The following ADAMTSL3 variants were observed in gnomAD, a reference collection of about 807,000 sequenced individuals.
ADAMTSL3 encodes ADAMTS-like protein 3.
ADAMTSL3 carries 128 observed loss-of-function variants against 201.7 expected under a neutral mutation model. The observed-to-expected ratio is 0.63, with a 90% CI of 0.55 to 0.73. The LOEUF (loss-of-function observed/expected upper bound fraction) is 0.73. ADAMTSL3 is among the 30% of genes least tolerant of loss of function. The pLI is 0.00. For missense variants in ADAMTSL3, 1,990 were observed against 2,119.6 expected (o/e 0.94, Z 1.20); for synonymous variants, 738 against 748.4 (o/e 0.99, Z 0.23).
intron 9 of ADAMTSL3, among the ~76,000 whole-genome samples, chr15:83,877,743 A>G (rs1480819): frequency 1.3e-5 from 2 of 152,130 alleles, no homozygotes; most frequent in Non-Finnish European, 2.9e-5. Flanking sequence ...TACATTTTTT[A>G]GTTCTTTTAA....
At chr15:83,801,675 T>TAA (rs2063525499) in intron 4 of ADAMTSL3, among the ~76,000 whole-genome samples, 1 of 59,902 alleles carries the variant, frequency 1.7e-5, no homozygotes. Context: ...TATATATATA[T>TAA]ATATATATAT....
chr15:83,770,089 C>T, intron 3 of ADAMTSL3, among the ~76,000 whole-genome samples: 1 of 152,196 alleles, frequency 6.6e-6, no homozygotes, highest in African/African-American at 2.4e-5. Context: ...ACGTTAAAGT[C>T]ACCCAAATCC....
intron 3 of ADAMTSL3, among the ~76,000 whole-genome samples, chr15:83,761,602 C>T (rs1156501140): frequency 6.6e-6 from 1 of 152,194 alleles, no homozygotes; most frequent in African/African-American, 2.4e-5. Flanking sequence ...CACCATTCCT[C>T]TCCATCAGAC....
At chr15:83,922,882 C>G (rs560263800) in intron 16 of ADAMTSL3, among the ~76,000 whole-genome samples, 2 of 152,182 alleles carry the variant, frequency 1.3e-5, no homozygotes, top group East Asian at 3.9e-4. Flanking sequence ...AAAATGAATG[C>G]ATTTGCATAT....
At chr15:83,876,017 G>C (rs2065171899) in intron 9 of ADAMTSL3, among the ~76,000 whole-genome samples, 1 of 150,952 alleles carries the variant, frequency 6.6e-6, no homozygotes, top group African/African-American at 2.5e-5. Flanking sequence ...TTTCTTTTCG[G>C]TGGTAATGGA....
intron 4 of ADAMTSL3, among the ~76,000 whole-genome samples, chr15:83,799,445 A>G (rs182453419): frequency 6.6e-6 from 1 of 152,292 alleles, no homozygotes. Flanking sequence ...AGAAGTGTGT[A>G]ACTTGATATT....
intron 20 of ADAMTSL3, among the ~76,000 whole-genome samples, chr15:83,976,037 C>T (rs2067280416): frequency 6.6e-6 from 1 of 152,102 alleles, no homozygotes; most frequent in African/African-American, 2.4e-5. Flanking sequence ...GGGATGAATT[C>T]TAATGATGTT....
At chr15:83,904,879 T>G (rs2065804933) in intron 15 of ADAMTSL3, among the ~76,000 whole-genome samples, 1 of 152,224 alleles carries the variant, frequency 6.6e-6, no homozygotes, top group African/African-American at 2.4e-5. Context: ...TTTGTGGAGA[T>G]TATATTTGCT....
rs7174631 is a variant in ADAMTSL3 at position 83,995,166 on chromosome 15, C to T, written c.3973+3952C>T. The stretch of plus-strand genomic sequence containing the variant: ...ATATGTGCTCTTGGGTCGGCGGAGA[C>T]AGATTGTGAAGGGACTAACAACCAG... On this transcript the variant is annotated intron_variant, in intron 23 of 29. Transcript: ENST00000286744. Among the ~76,000 whole-genome samples, 1,283 of 152,240 alleles carry T rather than the reference C, an allele frequency of 8.4e-3. 17 individuals carry two copies. The highest frequency in any genetic ancestry group is 0.029 in the African/African-American group (1,206 of 41,534).
At chr15:83,941,924 C>T (rs926050494) in intron 17 of ADAMTSL3, among the ~76,000 whole-genome samples, 14 of 152,330 alleles carry the variant, frequency 9.2e-5, no homozygotes, top group African/African-American at 3.4e-4. Context: ...AGAGACTTTT[C>T]TCAATGATAT....
chr15:84,014,456 C>A, intron 23 of ADAMTSL3, 86 bp from the exon 24 acceptor site: 1 of 1,287,088 alleles, frequency 7.8e-7, no homozygotes, highest in African/African-American at 1.5e-5. Context: ...GACTTACGGT[C>A]AAAACAGTGA....
intron 15 of ADAMTSL3, among the ~76,000 whole-genome samples, chr15:83,903,949 A>AGGGAGGG (rs1567226151): frequency 5.2e-5 from 2 of 38,576 alleles, no homozygotes; most frequent in African/African-American, 3.4e-4. Flanking sequence ...AAAAAAGAAA[A>AGGGAGGG]AAGAAAGAAA....
At chr15:83,771,167 C>CTT (rs10572931) in intron 3 of ADAMTSL3, among the ~76,000 whole-genome samples, 1 of 134,350 alleles carries the variant, frequency 7.4e-6, no homozygotes. Context: ...TTTCTGGACT[C>CTT]TTTTTTTTTT....
At chr15:83,793,412 A>T (rs1315348314) in intron 4 of ADAMTSL3, among the ~76,000 whole-genome samples, 1 of 152,164 alleles carries the variant, frequency 6.6e-6, no homozygotes, top group Non-Finnish European at 1.5e-5. Flanking sequence ...ATACTTGAAA[A>T]CATCACATAT....
intron 19 of ADAMTSL3, among the ~76,000 whole-genome samples, chr15:83,958,290 T>C (rs1354039915): frequency 6.6e-6 from 1 of 152,122 alleles, no homozygotes; most frequent in East Asian, 1.9e-4. Context: ...AGAGTGTGAT[T>C]GGATGCAAGA....
intron 3 of ADAMTSL3, among the ~76,000 whole-genome samples, chr15:83,740,999 T>C (rs936624851): frequency 2.6e-5 from 4 of 152,094 alleles, no homozygotes; most frequent in Admixed American, 1.3e-4. Flanking sequence ...TCTATGTGAA[T>C]TGTAACAAGC....
At chr15:83,785,634 T>G (rs1409167625) in intron 4 of ADAMTSL3, among the ~76,000 whole-genome samples, 1 of 152,180 alleles carries the variant, frequency 6.6e-6, no homozygotes, top group African/African-American at 2.4e-5. Flanking sequence ...GACCAACTTT[T>G]TGGTACAGAT....
chr15:83,656,600 G>C (rs534801068), intron 2 of ADAMTSL3, among the ~76,000 whole-genome samples: 26 of 152,178 alleles, frequency 1.7e-4, no homozygotes, highest in Non-Finnish European at 2.9e-4. Context: ...TGTGTTTGCA[G>C]CCTGGATTCA....
chr15:83,669,624 C>T (rs894856992), intron 2 of ADAMTSL3, among the ~76,000 whole-genome samples: 11 of 151,318 alleles, frequency 7.3e-5, no homozygotes, highest in Admixed American at 3.3e-4. Flanking sequence ...CCCGCCACCA[C>T]GCCCGGCTAA....
Sources: gnomAD v4.1 joint callset for allele counts (sites outside exome capture counted in the v4.1 genomes callset) on GRCh38, gnomAD v4.1.1 for gene constraint, MANE v1.5 for transcripts, NCBI Gene and HGNC (gene_info 2026-07-23, HGNC 2026-07-21) for gene names.